The following RORA variants were observed in gnomAD, a reference collection of about 807,000 sequenced individuals.
The protein encoded by RORA is RAR related orphan receptor A.
In RORA, 7 loss-of-function variants were observed where a neutral mutation model predicts 69.5. The observed-to-expected ratio is 0.10, with a 90% confidence interval of 0.06 to 0.19. The LOEUF is 0.19. Ranked by LOEUF, RORA falls within the 10% of genes least tolerant of loss-of-function variation. The probability of loss-of-function intolerance (pLI) is 1.00; values close to 1 mark genes in which losing one functional copy is unlikely to be tolerated. For missense variants in RORA, 457 were observed against 663.0 expected, an observed-to-expected ratio of 0.69 and a Z score of 3.41; for synonymous variants, 261 against 240.8, an observed-to-expected ratio of 1.08 and a Z score of -0.78.
At chr15:60,726,243 C>T (rs1445722377) in intron 1 of RORA, among the ~76,000 whole-genome samples, 2 of 152,110 alleles carry the variant, frequency 1.3e-5, no homozygotes, top group African/African-American at 4.8e-5. Flanking sequence ...CCAGAATCCC[C>T]CTTTAAGCTC....
chr15:60,944,904 T>C (rs986635905), intron 1 of RORA, among the ~76,000 whole-genome samples: 7 of 152,150 alleles, frequency 4.6e-5, no homozygotes, highest in African/African-American at 1.7e-4. Flanking sequence ...CTGACTGACC[T>C]AGGCATAGCA....
At chr15:60,544,812 C>G (rs2067017951) in intron 2 of RORA, 1 of 152,170 alleles carries the variant, frequency 6.6e-6, no homozygotes, top group African/African-American at 2.4e-5. Context: ...CAGAACAAAA[C>G]CTTTTCCATC....
intron 2 of RORA, among the ~76,000 whole-genome samples, chr15:60,658,796 T>C (rs2070260562): frequency 6.6e-6 from 1 of 152,210 alleles, no homozygotes; most frequent in African/African-American, 2.4e-5. Flanking sequence ...CGTTCTCCCA[T>C]GTGAAGGAAA....
chr15:60,840,325 G>A (rs1347027160), intron 1 of RORA, among the ~76,000 whole-genome samples: 3 of 152,244 alleles, frequency 2.0e-5, no homozygotes, highest in African/African-American at 7.2e-5. Context: ...GCCCCAGAGG[G>A]CTCTGACACA....
intron 4 of RORA, among the ~76,000 whole-genome samples, chr15:60,513,417 T>C (rs1435070496): frequency 6.6e-6 from 1 of 152,242 alleles, no homozygotes; most frequent in East Asian, 1.9e-4. Context: ...TGAAACTTTC[T>C]GCTGTGACTC....
chr15:61,172,681 G>T (rs545323778), intron 1 of RORA, among the ~76,000 whole-genome samples: 1 of 152,298 alleles, frequency 6.6e-6, no homozygotes, highest in Non-Finnish European at 1.5e-5. Flanking sequence ...AGTACAATGG[G>T]AAAATCGCCC....
intron 1 of RORA, among the ~76,000 whole-genome samples, chr15:61,004,210 G>C (rs1894836722): frequency 6.6e-6 from 1 of 151,934 alleles, no homozygotes; most frequent in African/African-American, 2.4e-5. Context: ...TGCCAAAAAG[G>C]GGGCAGTGGG....
chr15:61,115,043 G>C (rs970853050), intron 1 of RORA, among the ~76,000 whole-genome samples: 1 of 152,188 alleles, frequency 6.6e-6, no homozygotes, highest in Non-Finnish European at 1.5e-5. Flanking sequence ...AACATGTTGC[G>C]TGTACAGTAG....
chr15:60,861,553 T>G lies in RORA; in HGVS notation c.167-182867A>C, dbSNP rs58836118. Reference sequence around the variant, plus strand: ...ACTGATTGATTGAGATGAGTCTCACTATGTTGCCCAGGCTGGTCTTCAACT... The same window carrying G: ...ACTGATTGATTGAGATGAGTCTCACGATGTTGCCCAGGCTGGTCTTCAACT... On this transcript the variant is annotated intron_variant, in intron 1 of 10. Coordinates refer to ENST00000335670, the MANE Select transcript of RORA (RefSeq NM_134261.3). Among the ~76,000 whole-genome samples the G allele has an allele frequency of 5.8e-3, 881 of 152,306 alleles. 9 individuals carry two copies. Among genetic ancestry groups the G allele is most frequent in the African/African-American group, 0.02 (835 of 41,572 alleles).
At chr15:61,095,541 T>C (rs1566986440) in intron 1 of RORA, among the ~76,000 whole-genome samples, 1 of 152,204 alleles carries the variant, frequency 6.6e-6, no homozygotes, top group Non-Finnish European at 1.5e-5. Context: ...CAACTCAGTC[T>C]GCGGGCTGGG....
rs73424319 is a variant in RORA, at chr15:61,036,788, T to C, written c.166+192265A>G. 3.8e-3 allele frequency among the ~76,000 whole-genome samples: 573 copies of C among 151,784 alleles called. 9 individuals carry two copies. Among genetic ancestry groups the C allele is most frequent in the African/African-American group, 0.013 (535 of 41,240 alleles). The stretch of plus-strand genomic sequence containing the variant: ...AGCAGAGATTTCTAAAGTTGTAGTA[T>C]TGGACTCGCTTGCCTCCACCCCCAC... On this transcript the variant is annotated intron_variant, in intron 1 of 10. Coordinates refer to ENST00000335670, the MANE Select transcript of RORA (RefSeq NM_134261.3).
At chr15:60,629,219 G>GCTCT (rs981502328) in intron 2 of RORA, among the ~76,000 whole-genome samples, 1 of 111,326 alleles carries the variant, frequency 9.0e-6, no homozygotes, top group Admixed American at 1.1e-4. Context: ...ACAGAGTCTT[G>GCTCT]CTCTGTTGCC....
intron 1 of RORA, among the ~76,000 whole-genome samples, chr15:60,709,675 C>T (rs2071116254): frequency 6.6e-6 from 1 of 151,452 alleles, no homozygotes; most frequent in South Asian, 2.1e-4. Context: ...TGTCTCCCAT[C>T]ACCCCCATAT....
intron 1 of RORA, among the ~76,000 whole-genome samples, chr15:61,120,904 G>A (rs2079097130): frequency 6.6e-6 from 1 of 151,444 alleles, no homozygotes; most frequent in Admixed American, 6.6e-5. Context: ...ATGGAGTGCA[G>A]TGGTGTGATC....
Position 61,188,807 on chromosome 15 carries a change from GT to G in RORA, c.166+40245del, listed in dbSNP as rs1463532276. 2.0e-5 allele frequency among the ~76,000 whole-genome samples: 3 copies of G among 152,116 alleles called. No homozygotes were observed. The East Asian group carries it at 5.8e-4, about 29-fold the overall frequency. ...GTCTCAAAAACGTCTAACGTCACAT[GT>G]TTCCTAAGAGATTCCCTCAAGGAGC... On this transcript the variant is annotated intron_variant, in intron 1 of 10. Coordinates refer to ENST00000335670, the MANE Select transcript of RORA (RefSeq NM_134261.3).
At chr15:61,184,434 G>T (rs1438492781) in intron 1 of RORA, among the ~76,000 whole-genome samples, 3 of 151,986 alleles carry the variant, frequency 2.0e-5, no homozygotes, top group African/African-American at 7.3e-5. Flanking sequence ...TTTCTCCTTA[G>T]AATTAAGGAG....
At chr15:60,569,216 A>G (rs2067805792) in intron 2 of RORA, among the ~76,000 whole-genome samples, 1 of 150,588 alleles carries the variant, frequency 6.6e-6, no homozygotes, top group South Asian at 2.1e-4. Context: ...TAAGAGTTCG[A>G]GACTAGCCTA....
At chr15:61,210,809 G>C (rs758223417) in intron 1 of RORA, among the ~76,000 whole-genome samples, 8 of 152,184 alleles carry the variant, frequency 5.3e-5, no homozygotes, top group Non-Finnish European at 8.8e-5. Flanking sequence ...GATTCTTACA[G>C]ATCCATAGCA....
chr15:60,571,262 G>C (rs2067872669), intron 2 of RORA, among the ~76,000 whole-genome samples: 1 of 151,972 alleles, frequency 6.6e-6, no homozygotes, highest in Non-Finnish European at 1.5e-5. Context: ...CTGTTTTGCT[G>C]ATGTCCCTGA....
Sources: gnomAD v4.1 joint callset for allele counts (sites outside exome capture counted in the v4.1 genomes callset) on GRCh38, gnomAD v4.1.1 for gene constraint, MANE v1.5 for transcripts, NCBI Gene and HGNC (gene_info 2026-07-23, HGNC 2026-07-21) for gene names.